BBS9: variants seen among roughly 807,000 people sequenced by gnomAD.
The protein encoded by BBS9 is protein PTHB1.
A neutral mutation model predicts 117.7 loss-of-function variants in BBS9; 89 were observed. The observed-to-expected ratio is 0.76, with a 90% CI of 0.64 to 0.90. The LOEUF (loss-of-function observed/expected upper bound fraction) is 0.90. BBS9 is among the 40% of genes least tolerant of loss of function. BBS9 has a pLI of 0.00. For synonymous variants in BBS9, 379 were observed against 370.9 expected (o/e 1.02, Z -0.25); for missense variants, 982 against 1,042.2 (o/e 0.94, Z 0.80).
At chr7:33,252,217 A>G (rs1191772967) in intron 5 of BBS9, among the ~76,000 whole-genome samples, 1 of 152,190 alleles carries the variant, frequency 6.6e-6, no homozygotes, top group Admixed American at 6.5e-5. Context: ...GTGCTAAGCC[A>G]TTCATGAAGG....
chr7:33,268,580 T>C (rs1799211893), intron 7 of BBS9, among the ~76,000 whole-genome samples: 1 of 152,234 alleles, frequency 6.6e-6, no homozygotes, highest in Non-Finnish European at 1.5e-5. Context: ...ACTTTGTCGT[T>C]GTTTTAGGTG....
At chr7:33,443,264 A>G (rs1195123600) in intron 19 of BBS9, among the ~76,000 whole-genome samples, 1 of 152,208 alleles carries the variant, frequency 6.6e-6, no homozygotes, top group East Asian at 1.9e-4. Flanking sequence ...AAAGATGGAA[A>G]TGGAAAAGGA....
intron 4 of BBS9, among the ~76,000 whole-genome samples, chr7:33,166,419 C>A (rs1795696569): frequency 6.6e-6 from 1 of 152,226 alleles, no homozygotes; most frequent in Non-Finnish European, 1.5e-5. Flanking sequence ...TTTAAGTCTG[C>A]AGAAGTTTCT....
At chr7:33,492,216 A>AAC (rs1451243772) in intron 19 of BBS9, among the ~76,000 whole-genome samples, 15 of 146,120 alleles carry the variant, frequency 1.0e-4, no homozygotes, top group Non-Finnish European at 1.9e-4. Context: ...AAAAAAAACA[A>AAC]AAAAAAAACA....
intron 19 of BBS9, among the ~76,000 whole-genome samples, chr7:33,496,732 G>A (rs1293149522): frequency 6.6e-6 from 1 of 152,164 alleles, no homozygotes; most frequent in African/African-American, 2.4e-5. Context: ...CTAGTCATAA[G>A]TTCAGCACAG....
chr7:33,529,105 C>G (rs1463098229), intron 20 of BBS9, among the ~76,000 whole-genome samples: 3 of 152,136 alleles, frequency 2.0e-5, no homozygotes, highest in South Asian at 4.1e-4. Flanking sequence ...TAGGCAAGGC[C>G]AGGTCCTTGA....
At chr7:33,453,382 G>C (rs1838178237) in intron 19 of BBS9, among the ~76,000 whole-genome samples, 1 of 152,042 alleles carries the variant, frequency 6.6e-6, no homozygotes, top group African/African-American at 2.4e-5. Flanking sequence ...TCATTTTCTT[G>C]TGCCTCTGCC....
intron 21 of BBS9, among the ~76,000 whole-genome samples, chr7:33,601,056 GA>G (rs1863717821): frequency 6.6e-6 from 1 of 152,200 alleles, no homozygotes; most frequent in African/African-American, 2.4e-5. Flanking sequence ...AGGGCCAGTA[GA>G]AGAAAAGCAC....
chr7:33,512,102 A>G (rs1382631209), intron 20 of BBS9, among the ~76,000 whole-genome samples: 1 of 152,194 alleles, frequency 6.6e-6, no homozygotes, highest in Non-Finnish European at 1.5e-5. Context: ...ACATGAAAGA[A>G]CTAGTTTCAT....
Position 33,509,744 on chromosome 7 carries a change from C to T in BBS9, c.2298+4099C>T, listed in dbSNP as rs142373867. On this transcript the variant is annotated intron_variant, in intron 20 of 22. Coordinates refer to ENST00000242067, the MANE Select transcript of BBS9 (RefSeq NM_198428.3). ...TATGTGTTAAAAGGCAGCCTAAATG[C>T]AATAGCCAACCGTGGAGTGTTTTCT... Among the ~76,000 whole-genome samples the T allele has an allele frequency of 6.6e-5, 10 of 152,298 alleles. No individual in the cohort carries two copies. The East Asian group carries it at 1.9e-3, about 29-fold the overall frequency.
chr7:33,326,974 C>T (rs1014289568), intron 9 of BBS9, among the ~76,000 whole-genome samples: 1 of 152,012 alleles, frequency 6.6e-6, no homozygotes, highest in African/African-American at 2.4e-5. Flanking sequence ...CAAGCACTCC[C>T]TTGGCTGCCC....
intron 5 of BBS9, among the ~76,000 whole-genome samples, chr7:33,218,761 T>G (rs1437846297): frequency 6.6e-6 from 1 of 152,264 alleles, no homozygotes; most frequent in Non-Finnish European, 1.5e-5. Flanking sequence ...TTGACACATC[T>G]TATGTAATCA....
chr7:33,262,583 A>G (rs1798137254), intron 6 of BBS9, among the ~76,000 whole-genome samples: 1 of 152,190 alleles, frequency 6.6e-6, no homozygotes, highest in Non-Finnish European at 1.5e-5. Flanking sequence ...GGTCAATCTC[A>G]GATGGTATAG....
chr7:33,172,608 A>G (rs1427560960), intron 4 of BBS9, among the ~76,000 whole-genome samples: 1 of 152,174 alleles, frequency 6.6e-6, no homozygotes, highest in Non-Finnish European at 1.5e-5. Context: ...CATAACACAC[A>G]TGGACATGAA....
chr7:33,408,157 C>G (rs2128811564), intron 19 of BBS9, among the ~76,000 whole-genome samples: 1 of 152,356 alleles, frequency 6.6e-6, no homozygotes, highest in African/African-American at 2.4e-5. Context: ...GCCCCTCCCC[C>G]AGCCTCGCTG....
chr7:33,597,355 G>C (rs1383715482), intron 21 of BBS9, among the ~76,000 whole-genome samples: 1 of 152,096 alleles, frequency 6.6e-6, no homozygotes, highest in African/African-American at 2.4e-5. Context: ...TGGCAATTCA[G>C]GTCATGCAAA....
At chr7:33,530,230 A>G (rs940823075) in intron 20 of BBS9, among the ~76,000 whole-genome samples, 22 of 152,194 alleles carry the variant, frequency 1.4e-4, no homozygotes, top group Non-Finnish European at 2.6e-4. Flanking sequence ...TTTAGTGGCA[A>G]TCTTTCTAAA....
intron 4 of BBS9, among the ~76,000 whole-genome samples, chr7:33,158,202 G>T (rs1057281852): frequency 3.9e-5 from 6 of 152,218 alleles, no homozygotes; most frequent in African/African-American, 1.2e-4. Flanking sequence ...TCCTTAGATT[G>T]CTCAGCAGTT....
chr7:33,537,613 G>A (rs1356096199), intron 21 of BBS9, among the ~76,000 whole-genome samples: 1 of 152,146 alleles, frequency 6.6e-6, no homozygotes, highest in African/African-American at 2.4e-5. Flanking sequence ...GTCACAAAGG[G>A]CCACCTGATT....
Sources: allele counts gnomAD v4.1 joint callset (sites outside exome capture counted in the v4.1 genomes callset), GRCh38; gene constraint gnomAD v4.1.1; transcripts MANE v1.5; gene names NCBI Gene and HGNC (gene_info 2026-07-23, HGNC 2026-07-21).